CNTNAP2: variants seen among roughly 807,000 people sequenced by gnomAD.
CNTNAP2 encodes contactin associated protein 2.
In CNTNAP2, 98 loss-of-function variants were observed where a neutral mutation model predicts 155.2. That is an observed-to-expected ratio of 0.63 (90% confidence interval 0.54 to 0.75). The LOEUF (loss-of-function observed/expected upper bound fraction) is 0.75, where lower values mean the gene tolerates loss of function less well. CNTNAP2 is among the 30% of genes least tolerant of loss of function. The pLI, the probability that CNTNAP2 is intolerant of heterozygous loss-of-function variation, is 0.00. For synonymous variants in CNTNAP2, 651 were observed against 631.2 expected (o/e 1.03, Z -0.47); for missense variants, 1,727 against 1,688.1 (o/e 1.02, Z -0.40).
Position 147,587,350 on chromosome 7 carries a change from T to C in CNTNAP2, c.1897+25093T>C, listed in dbSNP as rs1024028771. On this transcript the variant is annotated intron_variant, in intron 12 of 23. Coordinates refer to ENST00000361727, the MANE Select transcript of CNTNAP2 (RefSeq NM_014141.6). ...GAGAAATGTTACACCTGTGTTTTTA[T>C]AGCATAAAGTTGGTGAGCCTTCCTC... Among the ~76,000 whole-genome samples the C allele has an allele frequency of 5.9e-5, 9 of 152,238 alleles. No individual in the cohort carries two copies. In the South Asian group the frequency reaches 1.4e-3, roughly 24 times the overall value.
intron 1 of CNTNAP2, among the ~76,000 whole-genome samples, chr7:146,720,011 G>A (rs933823155): frequency 6.6e-6 from 1 of 152,062 alleles, no homozygotes; most frequent in Non-Finnish European, 1.5e-5. Flanking sequence ...AAAAACAAGG[G>A]AGGCAAGTAC....
chr7:147,468,017 C>T (rs191521981), intron 10 of CNTNAP2, among the ~76,000 whole-genome samples: 1 of 151,946 alleles, frequency 6.6e-6, no homozygotes, highest in East Asian at 1.9e-4. Flanking sequence ...AGCAACAGAA[C>T]TCACATCTGT....
At chr7:147,228,158 A>T (rs964116753) in intron 8 of CNTNAP2, among the ~76,000 whole-genome samples, 55 of 152,316 alleles carry the variant, frequency 3.6e-4, no homozygotes, top group African/African-American at 1.3e-3. Context: ...GTGTGCCTGT[A>T]TGGAGTAGTT....
At chr7:147,945,953 C>T (rs1159849185) in intron 14 of CNTNAP2, among the ~76,000 whole-genome samples, 2 of 149,984 alleles carry the variant, frequency 1.3e-5, no homozygotes, top group Non-Finnish European at 3.0e-5. Context: ...TGGCAACCTC[C>T]GCCTCCCAGG....
intron 13 of CNTNAP2, among the ~76,000 whole-genome samples, chr7:147,697,579 C>G (rs548813974): frequency 6.6e-6 from 1 of 152,034 alleles, no homozygotes; most frequent in African/African-American, 2.4e-5. Flanking sequence ...TGTGGGGGAG[C>G]GGGGAAGCAT....
At chr7:148,253,575 C>G (rs1796408023) in intron 20 of CNTNAP2, among the ~76,000 whole-genome samples, 1 of 152,178 alleles carries the variant, frequency 6.6e-6, no homozygotes, top group Admixed American at 6.5e-5. Context: ...GACCACAAAA[C>G]CACATGGAAG....
At chr7:148,236,972 T>C (rs1391883482) in intron 20 of CNTNAP2, among the ~76,000 whole-genome samples, 2 of 152,196 alleles carry the variant, frequency 1.3e-5, no homozygotes, top group Admixed American at 6.5e-5. Flanking sequence ...ACTCCCACCA[T>C]GACCTCATTT....
intron 3 of CNTNAP2, among the ~76,000 whole-genome samples, chr7:147,002,741 G>A (rs1422419175): frequency 6.6e-6 from 1 of 151,836 alleles, no homozygotes; most frequent in African/African-American, 2.4e-5. Context: ...CCTTCTAGCT[G>A]TGTCCTTACA....
chr7:147,366,639 C>T (rs1796233855), intron 9 of CNTNAP2, among the ~76,000 whole-genome samples: 2 of 151,982 alleles, frequency 1.3e-5, no homozygotes, highest in African/African-American at 4.8e-5. Flanking sequence ...TCACTTAAAT[C>T]TTCTCTTCCG....
At chr7:146,492,649 T>G (rs1384960513) in intron 1 of CNTNAP2, among the ~76,000 whole-genome samples, 2 of 152,198 alleles carry the variant, frequency 1.3e-5, no homozygotes, top group Non-Finnish European at 1.5e-5. Flanking sequence ...GAACTAAGGT[T>G]CATGCTTCTT....
intron 12 of CNTNAP2, among the ~76,000 whole-genome samples, chr7:147,597,551 T>A (rs998815347): frequency 3.9e-5 from 6 of 152,216 alleles, no homozygotes; most frequent in African/African-American, 1.4e-4. Flanking sequence ...CCATGTCTGT[T>A]TTATTCACCA....
intron 3 of CNTNAP2, among the ~76,000 whole-genome samples, chr7:146,989,861 A>G (rs1287211706): frequency 6.6e-6 from 1 of 152,070 alleles, no homozygotes; most frequent in African/African-American, 2.4e-5. Context: ...TGTCTAAATA[A>G]TATAGGTGTT....
chr7:147,271,409 G>T (rs1451119614), intron 8 of CNTNAP2, among the ~76,000 whole-genome samples: 1 of 152,164 alleles, frequency 6.6e-6, no homozygotes, highest in Non-Finnish European at 1.5e-5. Flanking sequence ...TCCAAGTCCA[G>T]TCTTGTTCCC....
chr7:146,864,614 A>G (rs766806754), intron 3 of CNTNAP2, among the ~76,000 whole-genome samples: 54 of 152,210 alleles, frequency 3.5e-4, no homozygotes, highest in Non-Finnish European at 6.9e-4. Flanking sequence ...AGATTGGAAT[A>G]GAAGAAGTAG....
chr7:148,300,026 TGA>T (rs1797354845), intron 21 of CNTNAP2, among the ~76,000 whole-genome samples: 1 of 152,172 alleles, frequency 6.6e-6, no homozygotes, highest in African/African-American at 2.4e-5. Flanking sequence ...GAATTCACCT[TGA>T]GAGAGTTGAA....
intron 9 of CNTNAP2, among the ~76,000 whole-genome samples, chr7:147,359,710 A>ACTTGCTC (rs1175760814): frequency 2.4e-4 from 36 of 152,214 alleles, no homozygotes; most frequent in African/African-American, 8.2e-4. Flanking sequence ...GTCTTCTCTT[A>ACTTGCTC]CTTGCTCACA....
chr7:148,342,259 G>A (rs576952830), intron 21 of CNTNAP2, among the ~76,000 whole-genome samples: 2 of 152,208 alleles, frequency 1.3e-5, no homozygotes, highest in African/African-American at 2.4e-5. Context: ...TGACCATTCT[G>A]CCACTTTCAT....
At chr7:148,035,626 G>T (rs1802559679) in intron 15 of CNTNAP2, among the ~76,000 whole-genome samples, 1 of 152,160 alleles carries the variant, frequency 6.6e-6, no homozygotes, top group Non-Finnish European at 1.5e-5. Context: ...AGGATGTGTT[G>T]GACAGCCTCA....
At chr7:148,029,997 T>TG (rs1487203564) in intron 15 of CNTNAP2, among the ~76,000 whole-genome samples, 1 of 152,242 alleles carries the variant, frequency 6.6e-6, no homozygotes, top group East Asian at 1.9e-4. Flanking sequence ...TCATACTCTC[T>TG]GGTTGGAAAT....
Sources: gnomAD v4.1 joint callset for allele counts (sites outside exome capture counted in the v4.1 genomes callset) on GRCh38, gnomAD v4.1.1 for gene constraint, MANE v1.5 for transcripts, NCBI Gene and HGNC (gene_info 2026-07-23, HGNC 2026-07-21) for gene names.